Variants in ST8SIA1 observed in about 807,000 individuals in gnomAD.
ST8SIA1 encodes ST8 alpha-N-acetyl-neuraminide alpha-2,8-sialyltransferase 1, also known as alpha-N-acetylneuraminide alpha-2,8-sialyltransferase.
Under a neutral mutation model 35.9 loss-of-function variants are expected in ST8SIA1, and 16 were observed. That is an observed-to-expected ratio of 0.45 (90% CI 0.30 to 0.68). ST8SIA1 has a LOEUF of 0.68. Among genes scored for constraint, ST8SIA1 ranks in the 30% least tolerant of loss-of-function variants. The pLI, the probability that ST8SIA1 is intolerant of heterozygous loss-of-function variation, is 0.09. For missense variants in ST8SIA1, 383 were observed against 453.6 expected (o/e 0.84, Z 1.41); for synonymous variants, 170 against 169.6 (o/e 1.00, Z -0.02).
At chr12:22,277,176 T>C (rs1055834402) in intron 2 of ST8SIA1, among the ~76,000 whole-genome samples, 3 of 152,154 alleles carry the variant, frequency 2.0e-5, no homozygotes, top group African/African-American at 7.2e-5. Flanking sequence ...AGCTGCTCCT[T>C]GTCCTTCATG....
chr12:22,205,582 T>C (rs1040973878), intron 4 of ST8SIA1, among the ~76,000 whole-genome samples: 1 of 152,076 alleles, frequency 6.6e-6, no homozygotes, highest in African/African-American at 2.4e-5. Flanking sequence ...GATTCATACT[T>C]CACGAGACAA....
chr12:22,236,095 C>A (rs1865473522), intron 4 of ST8SIA1, among the ~76,000 whole-genome samples: 1 of 152,128 alleles, frequency 6.6e-6, no homozygotes, highest in African/African-American at 2.4e-5. Context: ...AGCCAACATG[C>A]CTAAGTTTCC....
At chr12:22,255,142 A>G (rs1180406197) in intron 3 of ST8SIA1, 138 bp downstream of exon 3, 9 of 698,036 alleles carry the variant, frequency 1.3e-5, no homozygotes, top group South Asian at 1.0e-4. Context: ...TCGCTTGTCT[A>G]TGAGCTGGAA....
intron 4 of ST8SIA1, among the ~76,000 whole-genome samples, chr12:22,232,053 G>A (rs1865427558): frequency 6.6e-6 from 1 of 152,142 alleles, no homozygotes; most frequent in South Asian, 2.1e-4. Context: ...CAGCAGGAAG[G>A]AACAAATCTC....
At position 22,329,821 on chromosome 12, in the gene ST8SIA1, C is replaced by T. The variant is rs552130261; in HGVS notation, c.236+4176G>A. ...GAGTAACGGTTACCACCCAATGAGT[C>T]GACAGAATTTTCAAAACAACCACTT... On this transcript the variant is annotated intron_variant, in intron 1 of 4. Coordinates refer to ENST00000396037, the MANE Select transcript of ST8SIA1 (RefSeq NM_003034.4). Among the ~76,000 whole-genome samples the T allele has an allele frequency of 1.3e-3, 205 of 152,236 alleles. 1 individual carries two copies. Among genetic ancestry groups the T allele is most frequent in the Non-Finnish European group, 2.1e-3 (145 of 68,008 alleles).
chr12:22,332,753 G>A (rs543992236), intron 1 of ST8SIA1, among the ~76,000 whole-genome samples: 2 of 152,304 alleles, frequency 1.3e-5, no homozygotes, highest in African/African-American at 4.8e-5. Flanking sequence ...GGCCTGAGAA[G>A]GAGATGGAAA....
At chr12:22,329,893 G>A (rs1252767233) in intron 1 of ST8SIA1, among the ~76,000 whole-genome samples, 1 of 152,178 alleles carries the variant, frequency 6.6e-6, no homozygotes, top group Non-Finnish European at 1.5e-5. Context: ...TGGTAACAGT[G>A]ATGTGCCACC....
rs539688748 is a variant in ST8SIA1 at position 22,280,497 on chromosome 12, C to T, written c.381+6652G>A. Among the ~76,000 whole-genome samples, 8 of 152,148 alleles carry T rather than the reference C, an allele frequency of 5.3e-5. No homozygotes were observed. The South Asian group carries it at 1.7e-3, about 32-fold the overall frequency. On this transcript the variant is annotated intron_variant, in intron 2 of 4. Coordinates refer to ENST00000396037, the MANE Select transcript of ST8SIA1 (RefSeq NM_003034.4). The stretch of plus-strand genomic sequence containing the variant: ...ATTCTTTTCAATTATTCCCAGGAAG[C>T]TAGAATCCTGAGCCATAATCGGTCT...
At chr12:22,218,899 T>C (rs1865265432) in intron 4 of ST8SIA1, among the ~76,000 whole-genome samples, 1 of 151,806 alleles carries the variant, frequency 6.6e-6, no homozygotes, top group African/African-American at 2.4e-5. Flanking sequence ...GTGAAAATGG[T>C]GAATTTCATG....
chr12:22,242,176 G>C (rs1244933742), intron 4 of ST8SIA1, among the ~76,000 whole-genome samples: 1 of 152,024 alleles, frequency 6.6e-6, no homozygotes, highest in African/African-American at 2.4e-5. Context: ...AAATAGAAAG[G>C]AGCTGTGTCT....
At chr12:22,221,345 A>T (rs1865299128) in intron 4 of ST8SIA1, among the ~76,000 whole-genome samples, 1 of 152,220 alleles carries the variant, frequency 6.6e-6, no homozygotes. Context: ...AAACAACAGC[A>T]AAGATAAAAT....
intron 1 of ST8SIA1, among the ~76,000 whole-genome samples, chr12:22,320,856 G>GA (rs1322410655): frequency 8.8e-6 from 1 of 113,962 alleles, no homozygotes; most frequent in Non-Finnish European, 1.9e-5. Flanking sequence ...AGAGAGAGAA[G>GA]AAAAAAAGAA....
chr12:22,228,250 G>A (rs766429682), intron 4 of ST8SIA1, among the ~76,000 whole-genome samples: 2 of 152,210 alleles, frequency 1.3e-5, no homozygotes, highest in African/African-American at 2.4e-5. Context: ...GAGTGGGATT[G>A]AGTCACAGTC....
At chr12:22,307,033 G>A (rs1866393211) in intron 1 of ST8SIA1, among the ~76,000 whole-genome samples, 1 of 152,100 alleles carries the variant, frequency 6.6e-6, no homozygotes, top group Admixed American at 6.5e-5. Context: ...TCTTTGGAAG[G>A]ATCATAACTA....
At chr12:22,317,715 C>T (rs529560544) in intron 1 of ST8SIA1, among the ~76,000 whole-genome samples, 3 of 152,266 alleles carry the variant, frequency 2.0e-5, no homozygotes, top group Non-Finnish European at 2.9e-5. Flanking sequence ...TCTGAAGTGG[C>T]GTGCCATCTC....
intron 4 of ST8SIA1, among the ~76,000 whole-genome samples, chr12:22,234,034 C>T (rs1004900645): frequency 5.9e-5 from 9 of 151,898 alleles, no homozygotes; most frequent in Non-Finnish European, 1.0e-4. Context: ...CCAAGGTGGG[C>T]GGATCACTTC....
rs71053390 is a variant in ST8SIA1 at position 22,208,135 on chromosome 12, C to CAA, written c.585-6099_585-6098dup. On this transcript the variant is annotated intron_variant, in intron 4 of 4. Coordinates refer to ENST00000396037, the MANE Select transcript of ST8SIA1 (RefSeq NM_003034.4). Reference sequence around the variant, plus strand: ...AGCCTGGGTGACAGTGTCTGTCTCACAAAAAAAAAAAAAAAAAGAAGCAAA... The same window carrying CAA: ...AGCCTGGGTGACAGTGTCTGTCTCACAAAAAAAAAAAAAAAAAAAGAAGCAAA... Among the ~76,000 whole-genome samples the CAA allele has an allele frequency of 3.3e-3, 324 of 97,788 alleles. 4 individuals are homozygous for CAA. The highest frequency in any genetic ancestry group is 5.5e-3 in the South Asian group (17 of 3,102). 64.2% of individuals were successfully genotyped at this position (97,788 alleles called of 152,430 possible). A position where few individuals can be genotyped will look rare whatever the true frequency, so the allele number is the denominator to read the frequency against.
Position 22,201,514 on chromosome 12 carries a change from A to C in ST8SIA1, c.*38T>G. On this transcript the variant is annotated 3_prime_UTR_variant, in exon 5 of 5. Transcript: ENST00000396037. ...TTGGAGTCACATAGAAAACCTAACAAAAATACCCTGGTTCAGTCCTTTCTT... is the reference window on the plus strand; with the variant it reads ...TTGGAGTCACATAGAAAACCTAACACAAATACCCTGGTTCAGTCCTTTCTT... The C allele has an allele frequency of 6.5e-7, 1 of 1,544,668 alleles. No homozygotes were observed. The highest frequency in any genetic ancestry group is 8.7e-7 in the Non-Finnish European group (1 of 1,150,178).
intron 1 of ST8SIA1, among the ~76,000 whole-genome samples, chr12:22,300,144 T>G (rs936094835): frequency 6.6e-6 from 1 of 152,132 alleles, no homozygotes; most frequent in Admixed American, 6.6e-5. Context: ...CTCGTGAAAT[T>G]GAGTTACAGG....
Sources: gnomAD v4.1 joint callset for allele counts (sites outside exome capture counted in the v4.1 genomes callset) on GRCh38, gnomAD v4.1.1 for gene constraint, MANE v1.5 for transcripts, NCBI Gene and HGNC (gene_info 2026-07-23, HGNC 2026-07-21) for gene names.